DAPK1: variants seen among roughly 807,000 people sequenced by gnomAD.
DAPK1 encodes the protein death-associated protein kinase 1.
DAPK1 carries 56 observed loss-of-function variants against 144.9 expected under a neutral mutation model. The ratio of observed to expected loss-of-function variants is 0.39; its 90% CI spans 0.31 to 0.48. DAPK1 has a LOEUF of 0.48. DAPK1 is among the 20% of genes least tolerant of loss of function. The pLI, the probability that DAPK1 is intolerant of heterozygous loss-of-function variation, is 0.95. For missense variants in DAPK1, 1,454 were observed against 1,875.4 expected, an observed-to-expected ratio of 0.78 and a Z score of 4.15; for synonymous variants, 690 against 749.0, an observed-to-expected ratio of 0.92 and a Z score of 1.29.
chr9:87,603,560 A>G (rs1828602661), intron 2 of DAPK1, among the ~76,000 whole-genome samples: 2 of 152,216 alleles, frequency 1.3e-5, no homozygotes, highest in South Asian at 4.1e-4. Flanking sequence ...TAAAGTATCC[A>G]TTCTTTAACA....
intron 24 of DAPK1, among the ~76,000 whole-genome samples, chr9:87,701,136 A>G (rs991671593): frequency 5.3e-5 from 8 of 152,218 alleles, no homozygotes; most frequent in African/African-American, 1.2e-4. Flanking sequence ...TATAGAAGTA[A>G]ATCATAATAT....
chr9:87,684,555 G>A (rs929743063), intron 20 of DAPK1, among the ~76,000 whole-genome samples: 1 of 152,246 alleles, frequency 6.6e-6, no homozygotes, highest in East Asian at 1.9e-4. Flanking sequence ...ACCGGACGGG[G>A]TCCCCTCGAA....
chr9:87,644,806 A>G (rs1389522740), intron 11 of DAPK1, among the ~76,000 whole-genome samples: 1 of 152,224 alleles, frequency 6.6e-6, no homozygotes, highest in East Asian at 1.9e-4. Context: ...ATACCCTCCC[A>G]GAGGTCAGAT....
intron 2 of DAPK1, among the ~76,000 whole-genome samples, chr9:87,510,037 C>T (rs1824772063): frequency 6.6e-6 from 1 of 152,198 alleles, no homozygotes. Context: ...GTGCCCCAGG[C>T]TCCATCGTAT....
chr9:87,544,532 A>ATATAAG (rs1412167384), intron 2 of DAPK1, among the ~76,000 whole-genome samples: 3 of 152,256 alleles, frequency 2.0e-5, no homozygotes, highest in Non-Finnish European at 4.4e-5. Context: ...GTAAATATGC[A>ATATAAG]TATAAGTATA....
In DAPK1 at chr9:87,639,388, C is replaced by G; in HGVS notation, c.458C>G (p.Pro153Arg). The change falls in exon 5 of 26, where the codon CCC becomes CGC. Residue 153 changes from proline (P) to arginine (R), a missense_variant. By Grantham distance (103) the Pro-to-Arg change is moderately radical. This residue lies in a region of DAPK1 where 429 missense variants were observed against 637.5 expected (regional missense o/e 0.67). Transcript: ENST00000408954. ...ATAATGCTTTTGGATAGAAATGTCC[C>G]CAAACCTCGGATCAAGATCATTGAC... is the stretch of plus-strand genomic sequence containing the variant. ...ENIMLLDRNV[P>R]KPRIKIIDFG... The G allele has an allele frequency of 9.9e-6, 16 of 1,611,436 alleles. No homozygotes were observed. Among genetic ancestry groups the G allele is most frequent in the Non-Finnish European group, 1.4e-5 (16 of 1,179,276 alleles).
chr9:87,676,020 C>T (rs1424674740), intron 19 of DAPK1, among the ~76,000 whole-genome samples: 1 of 152,094 alleles, frequency 6.6e-6, no homozygotes, highest in Non-Finnish European at 1.5e-5. Flanking sequence ...ACCCTGGATG[C>T]CCCAGGTCTC....
chr9:87,522,419 T>C (rs1174223780), intron 2 of DAPK1, among the ~76,000 whole-genome samples: 2 of 152,236 alleles, frequency 1.3e-5, no homozygotes, highest in Admixed American at 6.5e-5. Flanking sequence ...TAGCATGTTA[T>C]ACACATTGTT....
At chr9:87,591,091 G>A (rs1473180) in intron 2 of DAPK1, among the ~76,000 whole-genome samples, 88,640 of 152,166 alleles carry the variant, frequency 0.58, 28,337 homozygotes, top group Non-Finnish European at 0.71. Context: ...CCAGTTACCT[G>A]AAGTTATGGC....
At chr9:87,699,660 A>G (rs1008442531) in intron 23 of DAPK1, among the ~76,000 whole-genome samples, 1 of 152,208 alleles carries the variant, frequency 6.6e-6, no homozygotes, top group Non-Finnish European at 1.5e-5. Flanking sequence ...ACATTTATCT[A>G]TTGTCTTGAG....
intron 2 of DAPK1, among the ~76,000 whole-genome samples, chr9:87,523,701 C>T (rs754948601): frequency 2.0e-5 from 3 of 152,070 alleles, no homozygotes; most frequent in East Asian, 1.9e-4. Flanking sequence ...AATTTATTTT[C>T]GTGTGAAGTG....
Position 87,504,528 on chromosome 9 carries a change from GCT to G in DAPK1, c.62+5392_62+5393del, listed in dbSNP as rs1449322083. Among the ~76,000 whole-genome samples the G allele has an allele frequency of 3.9e-5, 6 of 152,254 alleles. No individual in the cohort carries two copies. In the East Asian group the frequency reaches 9.7e-4, roughly 25 times the overall value. ...GGAAGCTCACTTCTTGGTCCCCCAT[GCT>G]CTTTTACCCTCAGCTTGTGTCTCCC... On this transcript the variant is annotated intron_variant, in intron 2 of 25. Transcript: ENST00000408954.
At chr9:87,681,978 C>A (rs1033719541) in intron 20 of DAPK1, among the ~76,000 whole-genome samples, 2 of 152,158 alleles carry the variant, frequency 1.3e-5, no homozygotes, top group African/African-American at 4.8e-5. Flanking sequence ...GCCTTAGAGA[C>A]AAAAAGAGCT....
chr9:87,551,304 C>T (rs1303757333), intron 2 of DAPK1, among the ~76,000 whole-genome samples: 4 of 151,980 alleles, frequency 2.6e-5, no homozygotes, highest in African/African-American at 4.8e-5. Flanking sequence ...CCCACCACCA[C>T]GCCTGGCTAA....
At chr9:87,581,816 C>G (rs1827761929) in intron 2 of DAPK1, among the ~76,000 whole-genome samples, 1 of 152,236 alleles carries the variant, frequency 6.6e-6, no homozygotes, top group Admixed American at 6.5e-5. Context: ...AGCAATTCAT[C>G]TCATGCCTTT....
At chr9:87,557,627 A>G (rs1826766172) in intron 2 of DAPK1, among the ~76,000 whole-genome samples, 1 of 152,156 alleles carries the variant, frequency 6.6e-6, no homozygotes, top group Non-Finnish European at 1.5e-5. Context: ...TAAAAGAAAA[A>G]TGTGTTGGAT....
chr9:87,690,855 C>G (rs1825031180), intron 21 of DAPK1, among the ~76,000 whole-genome samples: 1 of 151,778 alleles, frequency 6.6e-6, no homozygotes, highest in Admixed American at 6.6e-5. Flanking sequence ...TATGTCAACT[C>G]ATCCTTGCAT....
intron 17 of DAPK1, among the ~76,000 whole-genome samples, chr9:87,655,419 G>A (rs980605723): frequency 1.3e-5 from 2 of 152,044 alleles, no homozygotes; most frequent in African/African-American, 2.4e-5. Flanking sequence ...GCACAGGTAC[G>A]TAACAGAAGG....
chr9:87,633,768 G>T (rs1328021346), intron 3 of DAPK1, among the ~76,000 whole-genome samples: 6 of 152,206 alleles, frequency 3.9e-5, no homozygotes, highest in Non-Finnish European at 2.9e-5. Flanking sequence ...AACAAGCCCA[G>T]TTCAAGATGG....
Sources: allele counts gnomAD v4.1 joint callset (sites outside exome capture counted in the v4.1 genomes callset), GRCh38; gene constraint gnomAD v4.1.1; regional missense constraint gnomAD v4.1.1; transcripts MANE v1.5; gene names NCBI Gene and HGNC (gene_info 2026-07-23, HGNC 2026-07-21).